The following MSTO1 variants were observed in gnomAD, a reference collection of about 807,000 sequenced individuals.
MSTO1 encodes misato mitochondrial distribution and morphology regulator 1, also known as protein misato homolog 1.
A neutral mutation model predicts 55.7 loss-of-function variants in MSTO1; 24 were observed. The ratio of observed to expected loss-of-function variants is 0.43; its 90% CI spans 0.31 to 0.61. The LOEUF is 0.61. Among genes scored for constraint, MSTO1 ranks in the 20% least tolerant of loss-of-function variants. MSTO1 has a pLI of 0.09. For missense variants in MSTO1, 363 were observed against 625.7 expected, an observed-to-expected ratio of 0.58 and a Z score of 4.48; for synonymous variants, 162 against 252.8, an observed-to-expected ratio of 0.64 and a Z score of 3.41.
chr1:155,591,290 A>C, the MSTO1 span: 9 of 1,525,654 alleles, frequency 5.9e-6, no homozygotes, highest in East Asian at 2.1e-4. Context: ...TGCACTGCGA[A>C]GGAGATATGC....
At chr1:155,578,062 A>G in the MSTO1 span, among the ~76,000 whole-genome samples, 7 of 152,250 alleles carry the variant, frequency 4.6e-5, no homozygotes, top group South Asian at 1.5e-3. Context: ...AATTTTGACC[A>G]AAAAGATTGC....
At chr1:155,598,969 G>C in the MSTO1 span, 1 of 1,075,978 alleles carries the variant, frequency 9.3e-7, no homozygotes, top group Non-Finnish European at 1.4e-6. Flanking sequence ...TCTTGTTACC[G>C]TGGTAGTCTT....
the MSTO1 span, among the ~76,000 whole-genome samples, chr1:155,597,357 C>A: frequency 6.6e-6 from 1 of 150,980 alleles, no homozygotes; most frequent in Non-Finnish European, 1.5e-5. Context: ...GTAGTCCCAG[C>A]TACTCGGGAG....
At chr1:155,591,644 G>T in the MSTO1 span, among the ~76,000 whole-genome samples, 1 of 152,032 alleles carries the variant, frequency 6.6e-6, no homozygotes, top group Admixed American at 6.6e-5. Context: ...TACAAAATTA[G>T]CCAGGCGTGG....
At chr1:155,590,770 T>C in the MSTO1 span, 3 of 1,605,694 alleles carry the variant, frequency 1.9e-6, no homozygotes, top group Non-Finnish European at 1.7e-6. Flanking sequence ...CCAGCCCAAG[T>C]AGAGGGAGGC....
chr1:155,573,979 A>G, the MSTO1 span, among the ~76,000 whole-genome samples: 1 of 152,292 alleles, frequency 6.6e-6, no homozygotes, highest in South Asian at 2.1e-4. Context: ...AAAATTTTTA[A>G]AGGGTGGGTA....
the MSTO1 span, among the ~76,000 whole-genome samples, chr1:155,600,205 G>C: frequency 2.6e-5 from 4 of 152,230 alleles, no homozygotes; most frequent in East Asian, 3.8e-4. Flanking sequence ...GTCCCTGCGG[G>C]CTTCCGCAGT....
At chr1:155,587,553 C>G in the MSTO1 span, among the ~76,000 whole-genome samples, 1 of 148,824 alleles carries the variant, frequency 6.7e-6, no homozygotes, top group Admixed American at 6.7e-5. Flanking sequence ...ACCATCCTGG[C>G]TAACACGGTG....
At chr1:155,568,857 CTTTTT>C in the MSTO1 span, among the ~76,000 whole-genome samples, 1 of 64,730 alleles carries the variant, frequency 1.5e-5, no homozygotes, top group Non-Finnish European at 4.4e-5. Context: ...TTTTCTTTTT[CTTTTT>C]TTTTTTTGAG....
the MSTO1 span, among the ~76,000 whole-genome samples, chr1:155,569,839 TG>T: frequency 2.6e-5 from 4 of 152,188 alleles, no homozygotes; most frequent in African/African-American, 9.7e-5. Flanking sequence ...TTGGAATATT[TG>T]TATTATACCT....
the MSTO1 span, among the ~76,000 whole-genome samples, chr1:155,604,417 C>T: frequency 6.6e-6 from 1 of 152,030 alleles, no homozygotes; most frequent in Non-Finnish European, 1.5e-5. Flanking sequence ...AAACCAGTAA[C>T]AAAAAGAGAA....
At chr1:155,565,018 G>A in the MSTO1 span, among the ~76,000 whole-genome samples, 4 of 152,142 alleles carry the variant, frequency 2.6e-5, no homozygotes, top group African/African-American at 9.7e-5. Flanking sequence ...CTACTCGGGA[G>A]GCTGAGGCAG....
At chr1:155,596,366 A>T in the MSTO1 span, among the ~76,000 whole-genome samples, 1 of 152,226 alleles carries the variant, frequency 6.6e-6, no homozygotes, top group Non-Finnish European at 1.5e-5. Flanking sequence ...AATAATCCAG[A>T]TGGCAAGAAT....
chr1:155,582,529 G>A, the MSTO1 span, among the ~76,000 whole-genome samples: 8 of 151,766 alleles, frequency 5.3e-5, no homozygotes, highest in Non-Finnish European at 7.4e-5. Context: ...GCACGATCTC[G>A]GCTCACTGCA....
At chr1:155,590,226 G>A in the MSTO1 span, among the ~76,000 whole-genome samples, 7 of 152,072 alleles carry the variant, frequency 4.6e-5, no homozygotes, top group South Asian at 2.1e-4. Flanking sequence ...GCTGTCCAGC[G>A]ACATCTAGGG....
chr1:155,609,306 C>A (rs1673327103), upstream of MSTO1, among the ~76,000 whole-genome samples: 1 of 122,182 alleles, frequency 8.2e-6, no homozygotes, highest in African/African-American at 3.2e-5. Context: ...AGTGCATTGG[C>A]GTGATCTCGG....
chr1:155,595,202 G>A, the MSTO1 span, among the ~76,000 whole-genome samples: 3 of 141,850 alleles, frequency 2.1e-5, no homozygotes, highest in Admixed American at 7.1e-5. Flanking sequence ...TTTTGAGATG[G>A]AGTCTCGGTC....
the MSTO1 span, among the ~76,000 whole-genome samples, chr1:155,568,114 C>G: frequency 6.7e-5 from 10 of 149,246 alleles, no homozygotes; most frequent in African/African-American, 2.5e-4. Context: ...GAGTCTCACT[C>G]TATTGCCCAG....
chr1:155,613,157 T>G lies in MSTO1; in HGVS notation c.1207T>G (p.Cys403Gly), dbSNP rs1329499794. ...CACCCCATGGACCCCACTGTCTGCA[T>G]GTGGGGAGCCTTCTGGAACACGTTG... ...GATPWTPLSA[C>G]GEPSGTRCFA... The change falls in exon 11 of 14, where the codon TGT becomes GGT. Residue 403 changes from cysteine to glycine, a missense_variant. Transcript: ENST00000245564. The G allele has an allele frequency of 1.9e-6, 3 of 1,613,926 alleles. No homozygotes were observed. Among genetic ancestry groups the G allele is most frequent in the Non-Finnish European group, 2.5e-6 (3 of 1,179,926 alleles).
Sources: gnomAD v4.1 joint callset for allele counts (sites outside exome capture counted in the v4.1 genomes callset) on GRCh38, gnomAD v4.1.1 for gene constraint, MANE v1.5 for transcripts, NCBI Gene and HGNC (gene_info 2026-07-23, HGNC 2026-07-21) for gene names.